Variants in DEFB121 observed in about 807,000 individuals in gnomAD.
DEFB121 encodes the protein defensin beta 121, also known as beta-defensin 121.
A neutral mutation model predicts 2.5 loss-of-function variants in DEFB121; 5 were observed. That is an observed-to-expected ratio of 1.96 (90% CI 1.03 to 4.13). The LOEUF (loss-of-function observed/expected upper bound fraction) is 4.13, where lower values mean the gene tolerates loss of function less well. DEFB121 is among the 30% of genes most tolerant of loss of function. The pLI is 0.00. For synonymous variants in DEFB121, 39 were observed against 32.6 expected (o/e 1.20, Z -0.67); for missense variants, 87 against 85.0 (o/e 1.02, Z -0.09).
upstream of DEFB121, among the ~76,000 whole-genome samples, chr20:31,408,906 A>C (rs914006832): frequency 1.3e-5 from 2 of 151,812 alleles, no homozygotes; most frequent in African/African-American, 4.8e-5. Context: ...AGCAACTGTA[A>C]CCCCAGCTAC....
chr20:31,410,031 A>G (rs936990383), upstream of DEFB121, among the ~76,000 whole-genome samples: 9 of 152,216 alleles, frequency 5.9e-5, no homozygotes, highest in African/African-American at 2.2e-4. Context: ...TGTTTTATAT[A>G]AATTATACCT....
At chr20:31,407,274 A>G (rs1407369198), upstream of DEFB121, among the ~76,000 whole-genome samples, 1 of 152,116 alleles carries the variant, frequency 6.6e-6, no homozygotes, top group Admixed American at 6.5e-5. Context: ...GAAATGGTAG[A>G]TTGTAATCTT....
At chr20:31,407,252 AAAAG>A (rs544856085), upstream of DEFB121, among the ~76,000 whole-genome samples, 1 of 152,150 alleles carries the variant, frequency 6.6e-6, no homozygotes, top group African/African-American at 2.4e-5. Flanking sequence ...TCTGTCTCAA[AAAAG>A]AAAGAAAGAA....
upstream of DEFB121, among the ~76,000 whole-genome samples, chr20:31,407,429 G>A (rs551351117): frequency 4.6e-5 from 7 of 152,236 alleles, no homozygotes; most frequent in South Asian, 8.3e-4. Context: ...ACGGTGTGCC[G>A]GTTGTAAGCC....
intron 1 of DEFB121, among the ~76,000 whole-genome samples, chr20:31,405,298 TC>T (rs1200367897): frequency 6.9e-6 from 1 of 145,724 alleles, no homozygotes; most frequent in Non-Finnish European, 1.5e-5. Context: ...ACCCCCAGAG[TC>T]CCCCCAACTC....
chr20:31,410,868 C>T (rs979024754), upstream of DEFB121, among the ~76,000 whole-genome samples: 25 of 144,320 alleles, frequency 1.7e-4, no homozygotes, highest in Non-Finnish European at 3.0e-4. Flanking sequence ...GAGAGCAACT[C>T]ATGGGAGCAC....
chr20:31,414,863 C>T (rs1050198406), upstream of DEFB121, among the ~76,000 whole-genome samples: 1 of 152,146 alleles, frequency 6.6e-6, no homozygotes, highest in Non-Finnish European at 1.5e-5. Context: ...CCAGCCTAAG[C>T]AACATAGCGA....
chr20:31,405,981 C>T, intron 1 of DEFB121, 114 bp downstream of exon 1: 2 of 1,145,852 alleles, frequency 1.7e-6, no homozygotes, highest in Non-Finnish European at 2.5e-6. Context: ...TACCTAAAGG[C>T]CTCAATGAGC....
upstream of DEFB121, among the ~76,000 whole-genome samples, chr20:31,416,054 TTTTGTTTG>T (rs58327582): frequency 1.3e-5 from 2 of 150,976 alleles, no homozygotes; most frequent in East Asian, 3.9e-4. Context: ...CTTCCCACTT[TTTTGTTTG>T]TTTGTTTGTT....
upstream of DEFB121, among the ~76,000 whole-genome samples, chr20:31,417,174 G>A (rs1043100339): frequency 2.3e-4 from 35 of 152,032 alleles, no homozygotes; most frequent in African/African-American, 7.2e-4. Flanking sequence ...GTGAAACCCC[G>A]TCTGTACTAA....
chr20:31,406,343 T>C, upstream of DEFB121: 1 of 1,263,868 alleles, frequency 7.9e-7, no homozygotes, highest in East Asian at 3.0e-5. Flanking sequence ...CCACACTGCC[T>C]GAGGAGGCTG....
exon 1 of DEFB121, chr20:31,412,688 A>G (rs1464162404): frequency 7.7e-7 from 1 of 1,290,492 alleles, no homozygotes; most frequent in Non-Finnish European, 1.0e-6. Context: ...CTGGCTTTTC[A>G]TTGTCAACAC....
In DEFB121 at chr20:31,404,936, G is replaced by A. The variant is rs753477783; in HGVS notation, c.208C>T (p.Leu70=). 4 of 1,613,976 alleles carry A rather than the reference G, an allele frequency of 2.5e-6. No individual in the cohort carries two copies. Among genetic ancestry groups the A allele is most frequent in the East Asian group, 4.5e-5 (2 of 44,858 alleles). The part of the protein sequence containing the change: ...KPKLTDTNTS[L]ESTSAV ...TGTCAGACTGCAGAAGTTGATTCCAGGCTTGTATTTGTGTCTGTTAATTTT... is the reference window on the plus strand; with the variant it reads ...TGTCAGACTGCAGAAGTTGATTCCAAGCTTGTATTTGTGTCTGTTAATTTT... Residue 70 remains leucine, a synonymous_variant, in exon 2 of 2, where the codon CTG becomes TTG. Coordinates refer to ENST00000376314, the MANE Select transcript of DEFB121 (RefSeq NM_001011878.3).
Position 31,406,198 on chromosome 20 carries a change from A to AAACAGACAG in DEFB121, c.-55_-47dup, listed in dbSNP as rs1437152734. On this transcript the variant is annotated 5_prime_UTR_variant, in exon 1 of 2. Transcript: ENST00000376314. ...GGGATAGGAGGCTTCTCAACTGGTA[A>AAACAGACAG]AACAGACAGAGGACTCCATTCTGGG... The AAACAGACAG allele has an allele frequency of 2.5e-6, 4 of 1,612,398 alleles. No individual in the cohort carries two copies. Among genetic ancestry groups the AAACAGACAG allele is most frequent in the Middle Eastern group, 1.7e-4 (1 of 6,054 alleles).
upstream of DEFB121, among the ~76,000 whole-genome samples, chr20:31,416,278 C>A (rs990069562): frequency 1.3e-5 from 2 of 152,168 alleles, no homozygotes; most frequent in Non-Finnish European, 2.9e-5. Context: ...CCAGGCTGGT[C>A]TCAAACTCCT....
chr20:31,413,269 A>G (rs1413164482), upstream of DEFB121, among the ~76,000 whole-genome samples: 1 of 152,252 alleles, frequency 6.6e-6, no homozygotes, highest in African/African-American at 2.4e-5. Context: ...GGAAACAAGT[A>G]TTTTTAAATG....
chr20:31,417,974 A>G, the DEFB121 span, among the ~76,000 whole-genome samples: 37 of 151,426 alleles, frequency 2.4e-4, no homozygotes, highest in Non-Finnish European at 3.5e-4. Flanking sequence ...GAAAAAAGGG[A>G]AAAAGGCCGG....
upstream of DEFB121, among the ~76,000 whole-genome samples, chr20:31,409,096 T>C (rs1255247293): frequency 1.3e-5 from 2 of 151,764 alleles, no homozygotes; most frequent in African/African-American, 2.4e-5. Context: ...CTGGATGACA[T>C]AGCAAGGTCC....
At chr20:31,413,516 T>C (rs1242693569), upstream of DEFB121, among the ~76,000 whole-genome samples, 3 of 152,182 alleles carry the variant, frequency 2.0e-5, no homozygotes, top group Non-Finnish European at 4.4e-5. Context: ...TTCCCATACA[T>C]GCTGCATATC....
Sources: allele counts gnomAD v4.1 joint callset (sites outside exome capture counted in the v4.1 genomes callset), GRCh38; gene constraint gnomAD v4.1.1; transcripts MANE v1.5; gene names NCBI Gene and HGNC (gene_info 2026-07-23, HGNC 2026-07-21).